Variants in ERBB4 observed in about 807,000 individuals in gnomAD.
ERBB4 encodes receptor tyrosine-protein kinase erbB-4.
Under a neutral mutation model 158.0 loss-of-function variants are expected in ERBB4, and 42 were observed. The observed-to-expected ratio is 0.27, with a 90% CI of 0.21 to 0.34. The LOEUF (loss-of-function observed/expected upper bound fraction) is 0.34, where lower values mean the gene tolerates loss of function less well. Ranked by LOEUF, ERBB4 falls within the 10% of genes least tolerant of loss-of-function variation. ERBB4 has a pLI of 1.00. For missense variants in ERBB4, 1,333 were observed against 1,624.1 expected (o/e 0.82, Z 3.08); for synonymous variants, 583 against 558.7 (o/e 1.04, Z -0.61).
chr2:211,480,335 T>C (rs753428171), intron 20 of ERBB4, among the ~76,000 whole-genome samples: 1 of 152,156 alleles, frequency 6.6e-6, no homozygotes, highest in Non-Finnish European at 1.5e-5. Flanking sequence ...TCCACGGCAT[T>C]GGGAGAGGGA....
At chr2:211,881,110 CT>C (rs1264617385) in intron 3 of ERBB4, among the ~76,000 whole-genome samples, 1 of 152,150 alleles carries the variant, frequency 6.6e-6, no homozygotes, top group Non-Finnish European at 1.5e-5. Context: ...TAAAGAATGT[CT>C]TCGAAGCATT....
intron 3 of ERBB4, among the ~76,000 whole-genome samples, chr2:211,908,255 T>G (rs911828971): frequency 1.1e-4 from 17 of 151,792 alleles, no homozygotes; most frequent in Admixed American, 4.6e-4. Context: ...ACACTTTGTC[T>G]TAGAATTTAT....
intron 20 of ERBB4, among the ~76,000 whole-genome samples, chr2:211,451,408 G>A (rs746389771): frequency 6.6e-6 from 1 of 152,172 alleles, no homozygotes; most frequent in Non-Finnish European, 1.5e-5. Context: ...TCTTTCAAGA[G>A]GTATGTCTGT....
chr2:211,526,024 G>A (rs558899855), intron 20 of ERBB4, among the ~76,000 whole-genome samples: 23 of 152,202 alleles, frequency 1.5e-4, no homozygotes, highest in Non-Finnish European at 3.2e-4. Context: ...GAGGAAACTC[G>A]ACACCCTGAA....
chr2:211,523,284 A>G (rs2066239345), intron 20 of ERBB4, among the ~76,000 whole-genome samples: 1 of 144,850 alleles, frequency 6.9e-6, no homozygotes, highest in African/African-American at 2.6e-5. Flanking sequence ...TGCCAATGCA[A>G]CCCCTCACAC....
chr2:211,701,323 A>G (rs2106031446), intron 12 of ERBB4, among the ~76,000 whole-genome samples: 1 of 152,254 alleles, frequency 6.6e-6, no homozygotes, highest in East Asian at 1.9e-4. Context: ...AAACCAAACA[A>G]CAAACAGAGA....
chr2:212,149,281 G>A (rs1282096419), intron 1 of ERBB4, among the ~76,000 whole-genome samples: 3 of 152,014 alleles, frequency 2.0e-5, no homozygotes, highest in Middle Eastern at 3.2e-3. Context: ...GCCTCCAATT[G>A]CTGCCTGGAG....
intron 3 of ERBB4, among the ~76,000 whole-genome samples, chr2:211,905,663 T>C (rs1374213942): frequency 2.4e-5 from 3 of 124,966 alleles, no homozygotes; most frequent in Non-Finnish European, 5.0e-5. Flanking sequence ...TATATATATA[T>C]ATATATATAT....
rs1264700898 is a variant in ERBB4 at position 211,963,389 on chromosome 2, T to G, written c.235-15773A>C. On this transcript the variant is annotated intron_variant, in intron 2 of 27. Coordinates refer to ENST00000342788, the MANE Select transcript of ERBB4 (RefSeq NM_005235.3). ...GAGGCAACTGTTTAATTTTATAGCTTGTAGAGTTGCCTTAGTGGTTTTCTA... is the reference window on the plus strand; with the variant it reads ...GAGGCAACTGTTTAATTTTATAGCTGGTAGAGTTGCCTTAGTGGTTTTCTA... 2.0e-5 allele frequency among the ~76,000 whole-genome samples: 3 copies of G among 152,146 alleles called. No individual in the cohort carries two copies. The East Asian group carries it at 5.8e-4, about 29-fold the overall frequency.
intron 3 of ERBB4, among the ~76,000 whole-genome samples, chr2:211,832,157 C>A (rs1455693913): frequency 6.6e-6 from 1 of 152,026 alleles, no homozygotes; most frequent in Admixed American, 6.6e-5. Context: ...CATGTCACAG[C>A]ATTCAAATTA....
At chr2:211,712,513 T>C (rs1575032053) in intron 8 of ERBB4, among the ~76,000 whole-genome samples, 1 of 152,248 alleles carries the variant, frequency 6.6e-6, no homozygotes, top group Non-Finnish European at 1.5e-5. Context: ...AATTATCTAT[T>C]TTCTACTTTC....
chr2:211,655,972 T>C (rs949085624), intron 16 of ERBB4, among the ~76,000 whole-genome samples: 2 of 152,216 alleles, frequency 1.3e-5, no homozygotes, highest in African/African-American at 4.8e-5. Flanking sequence ...TTTAAAAACA[T>C]GTAAAGGCAA....
intron 2 of ERBB4, among the ~76,000 whole-genome samples, chr2:211,982,032 T>C (rs2081813267): frequency 6.6e-6 from 1 of 152,024 alleles, no homozygotes; most frequent in Non-Finnish European, 1.5e-5. Context: ...ATTGATATAA[T>C]TTTTAAAATA....
intron 3 of ERBB4, among the ~76,000 whole-genome samples, chr2:211,921,606 A>C (rs1381507722): frequency 2.0e-5 from 3 of 152,108 alleles, no homozygotes; most frequent in Non-Finnish European, 4.4e-5. Flanking sequence ...ACTGAAAGAC[A>C]GTAAACATGT....
intron 2 of ERBB4, among the ~76,000 whole-genome samples, chr2:211,970,181 C>T (rs67188499): frequency 0.15 from 22,987 of 151,950 alleles, 1,761 homozygotes; most frequent in African/African-American, 0.17. Context: ...ATTCAATTTC[C>T]ACATAATTGT....
At chr2:212,397,287 C>T (rs1272708837) in intron 1 of ERBB4, among the ~76,000 whole-genome samples, 1 of 151,914 alleles carries the variant, frequency 6.6e-6, no homozygotes, top group Non-Finnish European at 1.5e-5. Context: ...CCAGCCTGGG[C>T]AACATGGTGA....
intron 1 of ERBB4, among the ~76,000 whole-genome samples, chr2:212,442,519 G>A (rs543347043): frequency 1.3e-5 from 2 of 152,298 alleles, no homozygotes; most frequent in African/African-American, 4.8e-5. Context: ...AACTGACGTT[G>A]ATTCCAGGAG....
chr2:211,647,971 A>T (rs2070837525), intron 16 of ERBB4, among the ~76,000 whole-genome samples: 3 of 151,680 alleles, frequency 2.0e-5, no homozygotes. Flanking sequence ...GCTCATACAA[A>T]TTATGGAGTA....
At chr2:211,905,558 T>C (rs2079357266) in intron 3 of ERBB4, among the ~76,000 whole-genome samples, 2 of 150,260 alleles carry the variant, frequency 1.3e-5, no homozygotes, top group African/African-American at 2.4e-5. Context: ...TTCAATGCAA[T>C]TTAATGTTTG....
Sources: allele counts gnomAD v4.1 joint callset (sites outside exome capture counted in the v4.1 genomes callset), GRCh38; gene constraint gnomAD v4.1.1; transcripts MANE v1.5; gene names NCBI Gene and HGNC (gene_info 2026-07-23, HGNC 2026-07-21).